The following TP73 variants were observed in gnomAD, a reference collection of about 807,000 sequenced individuals.
The protein encoded by TP73 is tumor protein p73, also known as p53-like transcription factor.
Under a neutral mutation model 62.5 loss-of-function variants are expected in TP73, and 25 were observed. That is an observed-to-expected ratio of 0.40 (90% CI 0.29 to 0.56). The LOEUF (loss-of-function observed/expected upper bound fraction) is 0.56, where lower values mean the gene tolerates loss of function less well. Among genes scored for constraint, TP73 ranks in the 20% least tolerant of loss-of-function variants. The pLI, the probability that TP73 is intolerant of heterozygous loss-of-function variation, is 0.46. For synonymous variants in TP73, 423 were observed against 377.5 expected (o/e 1.12, Z -1.40); for missense variants, 754 against 913.3 (o/e 0.83, Z 2.25).
Position 3,662,217 on chromosome 1 carries a change from C to T in TP73, c.-34+9576C>T, listed in dbSNP as rs1645010158. On this transcript the variant is annotated intron_variant, in intron 1 of 13. Transcript: ENST00000378295. This position sits in a 1 kb window ranked among gnomAD's most constrained non-coding sequence, Gnocchi z 4.4. ...GGGCCCCAGGATCCTGCAGCTGTGGCATCCACAGGGAGTAAGGCCAGCCAC... is the reference window on the plus strand; with the variant it reads ...GGGCCCCAGGATCCTGCAGCTGTGGTATCCACAGGGAGTAAGGCCAGCCAC... The T allele has an allele frequency of 6.6e-6, 1 of 152,222 alleles. No homozygotes were observed. Among genetic ancestry groups the T allele is most frequent in the Non-Finnish European group, 1.5e-5 (1 of 68,040 alleles). The allele number at this position is 152,222 out of a possible 1,614,324, so 9.4% of individuals were successfully genotyped here. A position where few individuals can be genotyped will look rare whatever the true frequency, so the allele number is the denominator to read the frequency against.
rs150322501 is a variant in TP73 at position 3,728,217 on chromosome 1, G to A, written c.1074G>A (p.Gln358=). 35 of 1,611,286 alleles carry A rather than the reference G, an allele frequency of 2.2e-5. No individual in the cohort carries two copies. In the African/African-American group the frequency reaches 4.0e-4, roughly 18 times the overall value. ...RHGDEDTYYL[Q]VRGRENFEIL... ...GAGACGAGGACACGTACTACCTTCA[G>A]GTGAGTGTGTGCTCCTGCACGGCAG... The change falls in exon 9 of 14, where the codon CAG becomes CAA. Residue 358 remains glutamine, a splice_region_variant and synonymous_variant. Coordinates refer to ENST00000378295, the MANE Select transcript of TP73 (RefSeq NM_005427.4).
intron 11 of TP73, 136 bp downstream of exon 11, chr1:3,730,284 T>C: frequency 9.0e-7 from 1 of 1,105,162 alleles, no homozygotes; most frequent in South Asian, 2.3e-5. Flanking sequence ...GGTTCCACCC[T>C]CTGGGCAGGA....
In TP73 at chr1:3,696,984, C is replaced by T. The variant is rs1638718171; in HGVS notation, c.187-10565C>T. Among the ~76,000 whole-genome samples the T allele has an allele frequency of 6.6e-6, 1 of 152,218 alleles. No homozygotes were observed. The highest frequency in any genetic ancestry group is 1.5e-5 in the Non-Finnish European group (1 of 68,046). On this transcript the variant is annotated intron_variant, in intron 3 of 13. Transcript: ENST00000378295. The surrounding 1 kb of genome is among the most constrained non-coding windows in gnomAD (Gnocchi z 4.1). Reference sequence around the variant, plus strand: ...AGTCACCAGCCTAATAGGACCTCAACTTGCTAAACCCAAACTAAACTTATC... The same window carrying T: ...AGTCACCAGCCTAATAGGACCTCAATTTGCTAAACCCAAACTAAACTTATC...
In TP73 at chr1:3,699,651, C is replaced by G. The variant is rs918186685; in HGVS notation, c.187-7898C>G. Among the ~76,000 whole-genome samples, 2 of 152,198 alleles carry G rather than the reference C, an allele frequency of 1.3e-5. No homozygotes were observed. Among genetic ancestry groups the G allele is most frequent in the Non-Finnish European group, 2.9e-5 (2 of 68,038 alleles). ...GGATGAAGAAGAGCATGTCTCTGCC[C>G]CGTCTGGAGCTCCCGGTTCCTGTCC... is the stretch of plus-strand genomic sequence containing the variant. On this transcript the variant is annotated intron_variant, in intron 3 of 13. Transcript: ENST00000378295. The surrounding 1 kb of genome is among the most constrained non-coding windows in gnomAD (Gnocchi z 4.1).
chr1:3,704,572 G>C (rs554349562), intron 3 of TP73, among the ~76,000 whole-genome samples: 1 of 152,234 alleles, frequency 6.6e-6, no homozygotes, highest in African/African-American at 2.4e-5. Context: ...GCTCCTGCCC[G>C]TGTGGCCAGG....
At chr1:3,658,585 C>T (rs191154983) in intron 1 of TP73, among the ~76,000 whole-genome samples, 5 of 152,352 alleles carry the variant, frequency 3.3e-5, no homozygotes, top group South Asian at 4.1e-4. Flanking sequence ...TCTTGGCGCG[C>T]GGCTCTCTTC....
At chr1:3,724,614 A>G (rs907563669) in intron 6 of TP73, among the ~76,000 whole-genome samples, 1 of 152,234 alleles carries the variant, frequency 6.6e-6, no homozygotes, top group Admixed American at 6.5e-5. Flanking sequence ...GTGTGACAGC[A>G]GTTCTGAGAA....
At position 3,733,758 on chromosome 1, in the gene TP73, G is replaced by A. The variant is rs538126506; in HGVS notation, c.*679G>A. 6.6e-6 allele frequency: 1 copy of A among 152,280 alleles called. No homozygotes were observed. Among genetic ancestry groups the A allele is most frequent in the South Asian group, 2.1e-4 (1 of 4,828 alleles). 9.4% of individuals were successfully genotyped at this position (152,280 alleles called of 1,614,324 possible). ...CTGGGGAGGGCGCAACCCCCCCCAG[G>A]CGCGGGGAAGCATGTGGTACCGCCT... On this transcript the variant is annotated 3_prime_UTR_variant, in exon 14 of 14. Coordinates refer to ENST00000378295, the MANE Select transcript of TP73 (RefSeq NM_005427.4).
chr1:3,665,139 C>A (rs1645082529), intron 1 of TP73, among the ~76,000 whole-genome samples: 1 of 152,208 alleles, frequency 6.6e-6, no homozygotes, highest in Non-Finnish European at 1.5e-5. Context: ...TGACTACCAA[C>A]CAGTCCCCTC....
intron 4 of TP73, among the ~76,000 whole-genome samples, chr1:3,709,417 T>C (rs1295670772): frequency 6.6e-6 from 1 of 152,192 alleles, no homozygotes; most frequent in Non-Finnish European, 1.5e-5. Context: ...ACGATGGAGA[T>C]AAGGATGGGA....
At chr1:3,656,894 A>G (rs1644876849) in intron 1 of TP73, among the ~76,000 whole-genome samples, 1 of 152,258 alleles carries the variant, frequency 6.6e-6, no homozygotes, top group Non-Finnish European at 1.5e-5. Flanking sequence ...CTACAGTCAT[A>G]GCAGTACCTG....
intron 1 of TP73, among the ~76,000 whole-genome samples, chr1:3,657,240 C>T (rs557606435): frequency 1.2e-4 from 18 of 152,318 alleles, no homozygotes; most frequent in Non-Finnish European, 2.4e-4. Flanking sequence ...CTCGGAGGCT[C>T]TGAGAGGGGG....
At chr1:3,671,988 G>A (rs949874180) in intron 1 of TP73, among the ~76,000 whole-genome samples, 1 of 152,168 alleles carries the variant, frequency 6.6e-6, no homozygotes, top group Non-Finnish European at 1.5e-5. Flanking sequence ...CTGAGTCAGG[G>A]CGGGACTCAG....
chr1:3,687,045 G>A (rs1013373784), intron 3 of TP73, among the ~76,000 whole-genome samples: 1 of 152,202 alleles, frequency 6.6e-6, no homozygotes, highest in African/African-American at 2.4e-5. Flanking sequence ...GCCTAGGATA[G>A]GATCTGGGAC....
chr1:3,713,744 C>T (rs902822746), intron 4 of TP73, among the ~76,000 whole-genome samples: 13 of 152,132 alleles, frequency 8.5e-5, no homozygotes, highest in Non-Finnish European at 1.2e-4. Context: ...CAGGGTGTCC[C>T]GGCTGGAAAG....
intron 3 of TP73, among the ~76,000 whole-genome samples, chr1:3,689,447 C>T (rs1645750831): frequency 6.6e-6 from 1 of 152,206 alleles, no homozygotes; most frequent in Non-Finnish European, 1.5e-5. Flanking sequence ...GCTCTCCAGG[C>T]CCCAGCCCCT....
chr1:3,726,120 GATTT>G (rs1364583836), intron 6 of TP73, among the ~76,000 whole-genome samples: 6 of 95,716 alleles, frequency 6.3e-5, no homozygotes, highest in South Asian at 3.7e-4. Context: ...TGGATGGATG[GATTT>G]ATTGATATTG....
intron 3 of TP73, among the ~76,000 whole-genome samples, chr1:3,703,221 G>C (rs1639344150): frequency 6.6e-6 from 1 of 152,244 alleles, no homozygotes; most frequent in African/African-American, 2.4e-5. Flanking sequence ...AGCGTGCAGG[G>C]AGAGAGGTCC....
At chr1:3,661,478 A>G (rs1305642727) in intron 1 of TP73, among the ~76,000 whole-genome samples, 1 of 152,034 alleles carries the variant, frequency 6.6e-6, no homozygotes, top group Non-Finnish European at 1.5e-5. Flanking sequence ...AGAGGCTGAC[A>G]TGAGCGGATC....
Sources: gnomAD v4.1 joint callset for allele counts (sites outside exome capture counted in the v4.1 genomes callset) on GRCh38, gnomAD v4.1.1 for gene constraint, Gnocchi (gnomAD v3.1) non-coding constraint, MANE v1.5 for transcripts, NCBI Gene and HGNC (gene_info 2026-07-23, HGNC 2026-07-21) for gene names.